Variants in ATG10 observed in about 807,000 individuals in gnomAD.
The protein encoded by ATG10 is ubiquitin-like-conjugating enzyme ATG10.
In ATG10, 30 loss-of-function variants were observed where a neutral mutation model predicts 32.1. The ratio of observed to expected loss-of-function variants is 0.94; its 90% CI spans 0.70 to 1.27. The LOEUF is 1.27. ATG10 is among the 50% of genes most tolerant of loss of function. The pLI is 0.00. For synonymous variants in ATG10, 87 were observed against 91.5 expected (o/e 0.95, Z 0.28); for missense variants, 233 against 262.3 (o/e 0.89, Z 0.77).
At chr5:82,123,194 G>A (rs1442314747) in intron 3 of ATG10, among the ~76,000 whole-genome samples, 1 of 152,156 alleles carries the variant, frequency 6.6e-6, no homozygotes, top group Admixed American at 6.6e-5. Context: ...AAAGAATGCG[G>A]TCATGTATTC....
intron 4 of ATG10, among the ~76,000 whole-genome samples, chr5:82,175,903 A>C (rs550914176): frequency 6.6e-5 from 10 of 150,628 alleles, no homozygotes; most frequent in African/African-American, 2.4e-4. Context: ...ACACACACAC[A>C]CACACCCCAA....
chr5:82,200,863 C>CTTT (rs1378663605), intron 5 of ATG10, among the ~76,000 whole-genome samples: 44 of 133,518 alleles, frequency 3.3e-4, no homozygotes, highest in African/African-American at 1.1e-3. Context: ...TTTAAAAATA[C>CTTT]ATTATTTATT....
intron 2 of ATG10, among the ~76,000 whole-genome samples, chr5:82,021,605 G>A (rs986029768): frequency 4.6e-5 from 7 of 152,024 alleles, no homozygotes; most frequent in African/African-American, 1.2e-4. Flanking sequence ...TTTATCAGCC[G>A]GGCGTGGTGG....
At chr5:82,246,682 C>T (rs1747051554) in intron 5 of ATG10, among the ~76,000 whole-genome samples, 1 of 151,764 alleles carries the variant, frequency 6.6e-6, no homozygotes, top group African/African-American at 2.4e-5. Flanking sequence ...ATGATTTTTG[C>T]TTATATAATC....
At chr5:82,068,688 A>ATATATATATCTTATATATATATCAAG (rs1764022504) in intron 3 of ATG10, among the ~76,000 whole-genome samples, 1 of 147,310 alleles carries the variant, frequency 6.8e-6, no homozygotes, top group African/African-American at 2.5e-5. Context: ...ACTTAAATAT[A>ATATATATATCTTATATATATATCAAG]TATATATATC....
At chr5:82,197,784 A>G (rs1297994581) in intron 5 of ATG10, among the ~76,000 whole-genome samples, 1 of 150,566 alleles carries the variant, frequency 6.6e-6, no homozygotes, top group African/African-American at 2.4e-5. Context: ...CTCTATAGAT[A>G]AAATGATTTG....
At chr5:82,088,251 C>A (rs1274610113) in intron 3 of ATG10, among the ~76,000 whole-genome samples, 4 of 151,798 alleles carry the variant, frequency 2.6e-5, no homozygotes, top group Non-Finnish European at 5.9e-5. Flanking sequence ...AGACAATAAG[C>A]CTTAATATGG....
intron 2 of ATG10, among the ~76,000 whole-genome samples, chr5:82,057,255 T>G (rs1488875418): frequency 6.6e-6 from 1 of 152,074 alleles, no homozygotes; most frequent in Non-Finnish European, 1.5e-5. Flanking sequence ...AAAAATAGAG[T>G]TACTGTATTA....
rs941593424 is a variant in ATG10, at chr5:82,254,536, G to C, written c.*473G>C. The C allele has an allele frequency of 6.9e-6, 1 of 145,786 alleles. No individual in the cohort carries two copies. Among genetic ancestry groups the C allele is most frequent in the African/African-American group, 2.6e-5 (1 of 37,938 alleles). The allele number at this position is 145,786 out of a possible 1,614,324, so 9.0% of individuals were successfully genotyped here. ...ACTGTGCCACTGCAGTCCAGCCTGGGTGACAGAGCCAGACACTGTCTCGGG... is the reference window on the plus strand; with the variant it reads ...ACTGTGCCACTGCAGTCCAGCCTGGCTGACAGAGCCAGACACTGTCTCGGG... On this transcript the variant is annotated 3_prime_UTR_variant, in exon 8 of 8. Transcript: ENST00000282185.
chr5:82,050,199 A>G (rs944009518), intron 2 of ATG10, among the ~76,000 whole-genome samples: 1 of 152,008 alleles, frequency 6.6e-6, no homozygotes, highest in Non-Finnish European at 1.5e-5. Context: ...TATAATAGCT[A>G]TGTAGTATTC....
intron 1 of ATG10, among the ~76,000 whole-genome samples, chr5:81,986,568 A>T (rs138007877): frequency 7.1e-4 from 108 of 152,252 alleles, no homozygotes; most frequent in South Asian, 1.9e-3. Context: ...CATAGATTAT[A>T]CTGAATTTGA....
intron 3 of ATG10, among the ~76,000 whole-genome samples, chr5:82,139,815 C>A (rs1190358518): frequency 7.1e-6 from 1 of 139,926 alleles, no homozygotes; most frequent in Admixed American, 6.8e-5. Context: ...TCAGCCCGGC[C>A]AGCCACCCCA....
chr5:82,237,031 G>A (rs1581836888), intron 5 of ATG10, among the ~76,000 whole-genome samples: 2 of 151,260 alleles, frequency 1.3e-5, no homozygotes, highest in East Asian at 1.9e-4. Context: ...TATAAAGTAC[G>A]ATTGCTTGGT....
intron 4 of ATG10, among the ~76,000 whole-genome samples, chr5:82,175,484 G>C (rs1424667310): frequency 6.6e-6 from 1 of 152,168 alleles, no homozygotes; most frequent in Non-Finnish European, 1.5e-5. Flanking sequence ...TTCTAAAATT[G>C]ATTGAGGTGA....
intron 3 of ATG10, among the ~76,000 whole-genome samples, chr5:82,138,380 G>A (rs750320334): frequency 9.2e-5 from 14 of 152,230 alleles, no homozygotes; most frequent in Non-Finnish European, 1.6e-4. Flanking sequence ...GAGTCTCCTG[G>A]TCTGTGGGTT....
intron 3 of ATG10, among the ~76,000 whole-genome samples, chr5:82,077,721 G>T (rs1473046541): frequency 6.6e-6 from 1 of 152,204 alleles, no homozygotes; most frequent in Non-Finnish European, 1.5e-5. Flanking sequence ...GAATGACCTT[G>T]AAGAAAGCCA....
chr5:82,175,243 T>A (rs980204853), intron 4 of ATG10, among the ~76,000 whole-genome samples: 2 of 152,166 alleles, frequency 1.3e-5, no homozygotes, highest in Non-Finnish European at 2.9e-5. Flanking sequence ...CCAGGCCTCA[T>A]TGGGATTGCA....
chr5:82,036,183 G>A (rs1450934355), intron 2 of ATG10, among the ~76,000 whole-genome samples: 1 of 152,066 alleles, frequency 6.6e-6, no homozygotes, highest in African/African-American at 2.4e-5. Flanking sequence ...GTTCATCTCT[G>A]ACCCCAAATC....
chr5:82,215,831 G>A (rs921720205), intron 5 of ATG10, among the ~76,000 whole-genome samples: 9 of 151,858 alleles, frequency 5.9e-5, no homozygotes, highest in Non-Finnish European at 1.3e-4. Flanking sequence ...CCAGCTACTC[G>A]GGAGGCTGAG....
Sources: gnomAD v4.1 joint callset for allele counts (sites outside exome capture counted in the v4.1 genomes callset) on GRCh38, gnomAD v4.1.1 for gene constraint, MANE v1.5 for transcripts, NCBI Gene and HGNC (gene_info 2026-07-23, HGNC 2026-07-21) for gene names.